The following PCDH15 variants were observed in gnomAD, a reference collection of about 807,000 sequenced individuals.
PCDH15 encodes the protein protocadherin-15.
Under a neutral mutation model 178.5 loss-of-function variants are expected in PCDH15, and 129 were observed. That is an observed-to-expected ratio of 0.72 (90% CI 0.63 to 0.84). The LOEUF (loss-of-function observed/expected upper bound fraction) is 0.84, where lower values mean the gene tolerates loss of function less well. Ranked by LOEUF, PCDH15 falls within the 40% of genes least tolerant of loss-of-function variation. The pLI is 0.00. For missense variants in PCDH15, 2,230 were observed against 2,099.9 expected (o/e 1.06, Z -1.21); for synonymous variants, 800 against 732.0 (o/e 1.09, Z -1.50).
At chr10:55,266,805 G>A (rs1316165300) in intron 1 of PCDH15, among the ~76,000 whole-genome samples, 4 of 152,140 alleles carry the variant, frequency 2.6e-5, no homozygotes, top group Non-Finnish European at 5.9e-5. Flanking sequence ...GCCACTAAGC[G>A]GCCTACTCCA....
At chr10:54,870,057 CTT>C (rs1446565678) in intron 3 of PCDH15, among the ~76,000 whole-genome samples, 7 of 152,284 alleles carry the variant, frequency 4.6e-5, no homozygotes, top group Non-Finnish European at 7.4e-5. Context: ...AGTCAAGAGA[CTT>C]ATATTTTCCT....
intron 1 of PCDH15, among the ~76,000 whole-genome samples, chr10:55,178,664 T>C (rs994861401): frequency 6.6e-6 from 1 of 152,156 alleles, no homozygotes; most frequent in Middle Eastern, 3.2e-3. Flanking sequence ...TTATCTCTGT[T>C]GACCCAGAGA....
At chr10:55,016,014 A>G (rs992442411) in intron 2 of PCDH15, among the ~76,000 whole-genome samples, 1 of 151,336 alleles carries the variant, frequency 6.6e-6, no homozygotes, top group African/African-American at 2.4e-5. Context: ...CCAGAAGAAC[A>G]TTCTACAAGG....
intron 21 of PCDH15, among the ~76,000 whole-genome samples, chr10:53,981,804 G>A (rs374515550): frequency 4.0e-5 from 6 of 151,464 alleles, no homozygotes; most frequent in East Asian, 1.9e-4. Flanking sequence ...GCAACAAAAG[G>A]CAAAATTGAC....
intron 13 of PCDH15, among the ~76,000 whole-genome samples, chr10:54,156,836 T>C (rs927920321): frequency 5.3e-5 from 8 of 152,190 alleles, no homozygotes; most frequent in Non-Finnish European, 1.2e-4. Context: ...AAATACAGCC[T>C]TTCCAAATGG....
intron 2 of PCDH15, among the ~76,000 whole-genome samples, chr10:55,600,550 C>T (rs1429275231): frequency 2.0e-5 from 3 of 152,068 alleles, no homozygotes; most frequent in East Asian, 1.9e-4. Flanking sequence ...ACAGGGTTTA[C>T]GACCTTGATG....
At chr10:54,167,284 C>A (rs1343042537) in intron 13 of PCDH15, among the ~76,000 whole-genome samples, 1 of 152,116 alleles carries the variant, frequency 6.6e-6, no homozygotes, top group Non-Finnish European at 1.5e-5. Flanking sequence ...GGTAAGCGGC[C>A]TCTTCTTACT....
chr10:54,849,493 C>T (rs1240440483), intron 3 of PCDH15, among the ~76,000 whole-genome samples: 1 of 152,192 alleles, frequency 6.6e-6, no homozygotes, highest in Non-Finnish European at 1.5e-5. Flanking sequence ...CACTCATCTC[C>T]AGGTTGTTCT....
chr10:54,772,346 CT>C (rs1949187454), intron 1 of PCDH15, among the ~76,000 whole-genome samples: 1 of 151,984 alleles, frequency 6.6e-6, no homozygotes, highest in Non-Finnish European at 1.5e-5. Context: ...AAAGTAAAGT[CT>C]TTGTAAAATA....
chr10:54,558,974 A>G (rs1284266782), intron 2 of PCDH15, among the ~76,000 whole-genome samples: 1 of 152,078 alleles, frequency 6.6e-6, no homozygotes, highest in African/African-American at 2.4e-5. Context: ...AGATAAGGTC[A>G]GTTTCTGATA....
chr10:55,120,983 A>G (rs534576342), intron 2 of PCDH15, among the ~76,000 whole-genome samples: 4 of 152,230 alleles, frequency 2.6e-5, no homozygotes, highest in East Asian at 1.9e-4. Flanking sequence ...CCAATGTTTA[A>G]TAGAGCTGTG....
intron 1 of PCDH15, among the ~76,000 whole-genome samples, chr10:55,222,152 GGTGTGAGC>G (rs1275129855): frequency 6.6e-6 from 1 of 151,756 alleles, no homozygotes; most frequent in Admixed American, 6.6e-5. Context: ...TGGGATTACA[GGTGTGAGC>G]CACCGCGCCC....
At chr10:54,660,967 T>A (rs2094481031) in intron 2 of PCDH15, among the ~76,000 whole-genome samples, 1 of 151,512 alleles carries the variant, frequency 6.6e-6, no homozygotes, top group Non-Finnish European at 1.5e-5. Context: ...TACTGCAAAA[T>A]AATAAGAGCC....
At chr10:55,277,536 G>A (rs893953797) in intron 1 of PCDH15, among the ~76,000 whole-genome samples, 6 of 152,018 alleles carry the variant, frequency 3.9e-5, no homozygotes, top group African/African-American at 1.4e-4. Flanking sequence ...TAGTGAAAAA[G>A]AACCTGTACA....
rs559629496 is a variant in PCDH15 at position 55,282,016 on chromosome 10, C to A, written c.-156+37583G>T. Reference sequence around the variant, plus strand: ...TGAAATAGCTTCATAACTATTATATCCATATTGACTTTGGCTAACCCTTTT... The same window carrying A: ...TGAAATAGCTTCATAACTATTATATACATATTGACTTTGGCTAACCCTTTT... On this transcript the variant is annotated intron_variant, in intron 1 of 5. Transcript: ENST00000458638. Among the ~76,000 whole-genome samples, 3 of 152,260 alleles carry A rather than the reference C, an allele frequency of 2.0e-5. No homozygotes were observed. The East Asian group carries it at 5.8e-4, about 29-fold the overall frequency.
At chr10:54,381,851 T>C (rs1347407171) in intron 3 of PCDH15, among the ~76,000 whole-genome samples, 2 of 152,138 alleles carry the variant, frequency 1.3e-5, no homozygotes, top group Non-Finnish European at 2.9e-5. Context: ...TTAAGAGAGC[T>C]GGCCCTGGAA....
upstream of PCDH15, among the ~76,000 whole-genome samples, chr10:54,805,221 G>A (rs1049800372): frequency 5.3e-5 from 8 of 151,938 alleles, no homozygotes; most frequent in African/African-American, 1.7e-4. Flanking sequence ...GAGTCCTGGA[G>A]TCAATAGGAA....
At chr10:54,915,094 CTTA>C (rs1358231208) in intron 2 of PCDH15, among the ~76,000 whole-genome samples, 1 of 152,144 alleles carries the variant, frequency 6.6e-6, no homozygotes, top group Non-Finnish European at 1.5e-5. Flanking sequence ...TGATCAATTA[CTTA>C]TTATCATTGT....
intron 2 of PCDH15, among the ~76,000 whole-genome samples, chr10:55,346,187 A>G (rs527785209): frequency 6.6e-6 from 1 of 152,300 alleles, no homozygotes; most frequent in African/African-American, 2.4e-5. Context: ...GAGGTAACAA[A>G]TAGTCTTGAT....
Sources: gnomAD v4.1 joint callset for allele counts (sites outside exome capture counted in the v4.1 genomes callset) on GRCh38, gnomAD v4.1.1 for gene constraint, MANE v1.5 for transcripts, NCBI Gene and HGNC (gene_info 2026-07-23, HGNC 2026-07-21) for gene names.